The following STYX variants were observed in gnomAD, a reference collection of about 807,000 sequenced individuals.
STYX encodes the protein serine/threonine/tyrosine-interacting protein.
In STYX, 20 loss-of-function variants were observed where a neutral mutation model predicts 42.7. The ratio of observed to expected loss-of-function variants is 0.47; its 90% CI spans 0.33 to 0.68. The LOEUF (loss-of-function observed/expected upper bound fraction) is 0.68, where lower values mean the gene tolerates loss of function less well. Ranked by LOEUF, STYX falls within the 30% of genes least tolerant of loss-of-function variation. The pLI is 0.02. For missense variants in STYX, 226 were observed against 268.5 expected, an observed-to-expected ratio of 0.84 and a Z score of 1.11; for synonymous variants, 78 against 81.9, an observed-to-expected ratio of 0.95 and a Z score of 0.26.
chr14:52,768,181 A>AT (rs1300934662), intron 9 of STYX, among the ~76,000 whole-genome samples: 7 of 151,786 alleles, frequency 4.6e-5, no homozygotes, highest in Non-Finnish European at 8.8e-5. Context: ...GGATGGTTCT[A>AT]TTTTTTTTGA....
intron 3 of STYX, among the ~76,000 whole-genome samples, chr14:52,749,173 A>T (rs1305145719): frequency 1.3e-5 from 2 of 152,060 alleles, no homozygotes; most frequent in African/African-American, 4.8e-5. Flanking sequence ...CTGTATCCTC[A>T]CACGGCCAAG....
chr14:52,744,962 C>G (rs950831005), intron 2 of STYX, 78 bp downstream of exon 2: 3 of 1,258,962 alleles, frequency 2.4e-6, no homozygotes, highest in Non-Finnish European at 3.4e-6. Context: ...GATTTGAGAC[C>G]TGCTGATTTC....
Position 52,757,862 on chromosome 14 carries a change from TC to T in STYX, c.381-8del. 5 of 1,612,992 alleles carry T rather than the reference TC, an allele frequency of 3.1e-6. No individual in the cohort carries two copies. The highest frequency in any genetic ancestry group is 4.2e-6 in the Non-Finnish European group (5 of 1,179,770). On this transcript the variant is annotated splice_polypyrimidine_tract_variant and intron_variant, in intron 7 of 10. Transcript: ENST00000354586. ...TTTCTGGTTGTTTTTAAAATTATTT[TC>T]CCCTCTTCAGTGCAGCCTTTGTTAT...
intron 3 of STYX, among the ~76,000 whole-genome samples, chr14:52,749,741 A>C (rs955167141): frequency 2.0e-5 from 3 of 152,264 alleles, no homozygotes; most frequent in Non-Finnish European, 4.4e-5. Flanking sequence ...TTGTCATGTT[A>C]AATTGCTTTA....
At chr14:52,742,854 T>C (rs1165989824) in intron 1 of STYX, among the ~76,000 whole-genome samples, 2 of 151,214 alleles carry the variant, frequency 1.3e-5, no homozygotes, top group Non-Finnish European at 2.9e-5. Context: ...TGGAGTGCAA[T>C]GCCACGATCT....
intron 9 of STYX, among the ~76,000 whole-genome samples, chr14:52,760,194 C>G (rs1015088263): frequency 1.3e-5 from 2 of 151,910 alleles, no homozygotes; most frequent in Non-Finnish European, 2.9e-5. Context: ...AGAGTGAGAC[C>G]CCATCCCTAA....
At position 52,773,803 on chromosome 14, in the gene STYX, A is replaced by G. The variant is rs1280497174; in HGVS notation, c.*2697A>G. 6.6e-6 allele frequency: 1 copy of G among 152,072 alleles called. No homozygotes were observed. Among genetic ancestry groups the G allele is most frequent in the Non-Finnish European group, 1.5e-5 (1 of 68,000 alleles). The allele number at this position is 152,072 out of a possible 1,614,324, so 9.4% of individuals were successfully genotyped here. On this transcript the variant is annotated 3_prime_UTR_variant, in exon 11 of 11. Transcript: ENST00000354586. ...CCATTTCTGTGATTCTTTTATTACC[A>G]CTGATGTTTTGTGATAGTTAACTAT...
chr14:52,736,683 TTACTC>T (rs544221753), intron 1 of STYX, among the ~76,000 whole-genome samples: 5 of 152,156 alleles, frequency 3.3e-5, no homozygotes, highest in South Asian at 2.1e-4. Context: ...TTTTTAACCC[TTACTC>T]TAGAGTAAGG....
chr14:52,752,137 G>A (rs1313911553), intron 4 of STYX, among the ~76,000 whole-genome samples: 1 of 149,366 alleles, frequency 6.7e-6, no homozygotes, highest in Non-Finnish European at 1.5e-5. Context: ...TCCAGCCTGG[G>A]CAACAGAGCA....
chr14:52,753,047 A>ATTTTT (rs959737468), intron 4 of STYX, among the ~76,000 whole-genome samples: 2 of 88,664 alleles, frequency 2.3e-5, no homozygotes, highest in Non-Finnish European at 4.5e-5. Context: ...CACCCAGCTA[A>ATTTTT]TTTTTTTTTT....
rs1450075158 is a variant in STYX, at chr14:52,756,561, C to T, written c.253C>T (p.Leu85=). 14 of 1,530,662 alleles carry T rather than the reference C, an allele frequency of 9.1e-6. No homozygotes were observed. The highest frequency in any genetic ancestry group is 1.4e-5 in the African/African-American group (1 of 71,262). The allele number at this position is 1,530,662 out of a possible 1,614,324, so 94.8% of individuals were successfully genotyped here. The change falls in exon 5 of 11, where the codon CTG becomes TTG. Residue 85 remains leucine, a synonymous_variant. Coordinates refer to ENST00000354586, the MANE Select transcript of STYX (RefSeq NM_145251.4). ...ATACTCTATTTTCAGATATTTAGTCCTGGATATTGCAGATAATCCAGTTGA... is the reference window on the plus strand; with the variant it reads ...ATACTCTATTTTCAGATATTTAGTCTTGGATATTGCAGATAATCCAGTTGA... ...NFQQLFRYLV[L]DIADNPVENI... is the part of the protein sequence containing the mutation.
At position 52,730,453 on chromosome 14, in the gene STYX, C is replaced by CA. The variant is rs1417947779; in HGVS notation, c.-21dup. ...CTGTGTAACACTCTCCCACCCCACC[C>CA]ACCAGCCCGCGGGCCAGCACCATGG... is the stretch of plus-strand genomic sequence containing the variant. On this transcript the variant is annotated 5_prime_UTR_variant, in exon 1 of 11. Transcript: ENST00000354586. The CA allele has an allele frequency of 6.8e-6, 11 of 1,612,682 alleles. No individual in the cohort carries two copies. The highest frequency in any genetic ancestry group is 9.3e-6 in the Non-Finnish European group (11 of 1,179,570).
At chr14:52,758,404 G>A (rs938655038) in intron 8 of STYX, among the ~76,000 whole-genome samples, 2 of 152,000 alleles carry the variant, frequency 1.3e-5, no homozygotes, top group African/African-American at 4.8e-5. Context: ...CAAAGCAAAA[G>A]CCTGGCCAGT....
chr14:52,746,623 C>T (rs1268723660), intron 3 of STYX, 144 bp downstream of exon 3: 2 of 650,926 alleles, frequency 3.1e-6, no homozygotes, highest in South Asian at 2.2e-5. Flanking sequence ...GAGTACCTTC[C>T]TCTTTCCCTA....
intron 9 of STYX, among the ~76,000 whole-genome samples, chr14:52,760,269 T>C (rs147743640): frequency 6.6e-6 from 1 of 152,292 alleles, no homozygotes; most frequent in East Asian, 1.9e-4. Context: ...TAAAGACACA[T>C]TATCAAATCT....
intron 2 of STYX, among the ~76,000 whole-genome samples, chr14:52,745,312 G>T (rs529693262): frequency 1.2e-4 from 19 of 152,108 alleles, no homozygotes; most frequent in African/African-American, 4.3e-4. Context: ...TAGAGACAGG[G>T]TTTCTCCTTG....
rs910683479 is a variant in STYX at position 52,772,234 on chromosome 14, T to C, written c.*1128T>C. The stretch of plus-strand genomic sequence containing the variant: ...TTTGGAATATAGAATGTTTACTCTT[T>C]CTTTTTATGTTGTCTTAATGATTCT... On this transcript the variant is annotated 3_prime_UTR_variant, in exon 11 of 11. Transcript: ENST00000354586. The C allele has an allele frequency of 6.6e-6, 1 of 152,152 alleles. No individual in the cohort carries two copies. Among genetic ancestry groups the C allele is most frequent in the Non-Finnish European group, 1.5e-5 (1 of 67,978 alleles). 9.4% of individuals were successfully genotyped at this position (152,152 alleles called of 1,614,324 possible).
chr14:52,768,805 A>G (rs1161137666), intron 9 of STYX, 35 bp from the exon 10 acceptor site: 4 of 1,443,612 alleles, frequency 2.8e-6, no homozygotes, highest in African/African-American at 2.9e-5. Context: ...GAATGTAAAT[A>G]TATAATTAAG....
At position 52,771,122 on chromosome 14, in the gene STYX, C is replaced by A. The variant is rs188145814; in HGVS notation, c.*16C>A. On this transcript the variant is annotated 3_prime_UTR_variant, in exon 11 of 11. Coordinates refer to ENST00000354586, the MANE Select transcript of STYX (RefSeq NM_145251.4). ...GAATGGCTGACTTGAAGAGCAACAT[C>A]ATAGAGTGTGAATTTCTATTTGGGA... 2.2e-3 allele frequency: 3,549 copies of A among 1,586,056 alleles called. 75 individuals carry two copies. The African/African-American group carries it at 0.042, about 19-fold the overall frequency.
Sources: allele counts gnomAD v4.1 joint callset (sites outside exome capture counted in the v4.1 genomes callset), GRCh38; gene constraint gnomAD v4.1.1; transcripts MANE v1.5; gene names NCBI Gene and HGNC (gene_info 2026-07-23, HGNC 2026-07-21).